Variants in TBC1D5 observed in about 807,000 individuals in gnomAD.
TBC1D5 encodes TBC1 domain family, member 5.
In TBC1D5, 75 loss-of-function variants were observed where a neutral mutation model predicts 100.3. The observed-to-expected ratio is 0.75, with a 90% CI of 0.62 to 0.91. TBC1D5 has a LOEUF of 0.91. Among genes scored for constraint, TBC1D5 ranks in the 40% least tolerant of loss-of-function variants. TBC1D5 has a pLI of 0.00. For synonymous variants in TBC1D5, 323 were observed against 325.6 expected, an observed-to-expected ratio of 0.99 and a Z score of 0.09; for missense variants, 910 against 942.4, an observed-to-expected ratio of 0.97 and a Z score of 0.45.
intron 13 of TBC1D5, among the ~76,000 whole-genome samples, chr3:17,348,866 C>T (rs1575464256): frequency 6.6e-6 from 1 of 152,070 alleles, no homozygotes; most frequent in East Asian, 1.9e-4. Context: ...AAACAAAATA[C>T]CACCAAACAC....
chr3:17,625,099 C>T (rs911227240), intron 1 of TBC1D5, among the ~76,000 whole-genome samples: 5 of 152,000 alleles, frequency 3.3e-5, no homozygotes, highest in Non-Finnish European at 5.9e-5. Flanking sequence ...AGGGAAGTCA[C>T]ACAATAAAGA....
At chr3:17,247,645 T>C (rs2076847898) in intron 16 of TBC1D5, among the ~76,000 whole-genome samples, 1 of 152,220 alleles carries the variant, frequency 6.6e-6, no homozygotes, top group Non-Finnish European at 1.5e-5. Context: ...TTGACTCTTC[T>C]TTTAAAGAAA....
chr3:17,173,867 TAGTC>T (rs1453464908), intron 19 of TBC1D5, among the ~76,000 whole-genome samples: 3 of 152,154 alleles, frequency 2.0e-5, no homozygotes, highest in South Asian at 2.1e-4. Flanking sequence ...AGGTGGCCAT[TAGTC>T]AGAGAGAGGG....
chr3:17,562,424 T>C (rs925713852), intron 2 of TBC1D5, among the ~76,000 whole-genome samples: 1 of 151,790 alleles, frequency 6.6e-6, no homozygotes, highest in Non-Finnish European at 1.5e-5. Context: ...GACAAAATTA[T>C]AATTTGCACC....
intron 14 of TBC1D5, among the ~76,000 whole-genome samples, chr3:17,303,279 C>T (rs1158728948): frequency 6.6e-6 from 1 of 152,208 alleles, no homozygotes; most frequent in Admixed American, 6.5e-5. Flanking sequence ...CATAAAACTT[C>T]TTCCTTTGAA....
intron 13 of TBC1D5, chr3:17,333,534 A>G (rs2087192898): frequency 6.6e-6 from 1 of 152,186 alleles, no homozygotes; most frequent in South Asian, 2.1e-4. Context: ...TAAGAAACGG[A>G]TATAACTGCA....
At chr3:17,264,804 CT>C (rs2078684098) in intron 15 of TBC1D5, among the ~76,000 whole-genome samples, 1 of 152,162 alleles carries the variant, frequency 6.6e-6, no homozygotes, top group South Asian at 2.1e-4. Flanking sequence ...ATACCAGGCA[CT>C]TGATAAGAAC....
At chr3:17,291,812 C>A in intron 15 of TBC1D5, 83 bp downstream of exon 15, 1 of 1,275,302 alleles carries the variant, frequency 7.8e-7, no homozygotes, top group Non-Finnish European at 1.1e-6. Context: ...GCAAATTCCA[C>A]ATTTGGAATT....
chr3:17,275,746 T>A (rs767887658), intron 15 of TBC1D5, among the ~76,000 whole-genome samples: 11 of 152,188 alleles, frequency 7.2e-5, no homozygotes, highest in Non-Finnish European at 1.2e-4. Flanking sequence ...GAGGCACATA[T>A]GGGCAAAGCC....
chr3:17,442,076 G>T (rs1317808808), intron 3 of TBC1D5, among the ~76,000 whole-genome samples: 1 of 152,186 alleles, frequency 6.6e-6, no homozygotes. Flanking sequence ...TGAGTTTTCT[G>T]TTCTTTCTTC....
intron 3 of TBC1D5, among the ~76,000 whole-genome samples, chr3:17,474,121 A>C (rs760651836): frequency 2.6e-5 from 4 of 152,152 alleles, no homozygotes; most frequent in Non-Finnish European, 5.9e-5. Flanking sequence ...TTGAAACAGA[A>C]ACTACCTTTT....
At chr3:17,687,022 T>C (rs1243906228) in intron 1 of TBC1D5, among the ~76,000 whole-genome samples, 2 of 152,130 alleles carry the variant, frequency 1.3e-5, no homozygotes, top group Non-Finnish European at 2.9e-5. Context: ...CTATGTATAA[T>C]ATGTATAGTG....
At chr3:17,522,714 C>T (rs1218815955) in intron 2 of TBC1D5, among the ~76,000 whole-genome samples, 1 of 152,110 alleles carries the variant, frequency 6.6e-6, no homozygotes. Context: ...ATATACACCT[C>T]CTTTTCCAAT....
At chr3:17,168,285 C>T (rs1266782081) in intron 19 of TBC1D5, among the ~76,000 whole-genome samples, 5 of 152,176 alleles carry the variant, frequency 3.3e-5, no homozygotes, top group African/African-American at 7.2e-5. Context: ...GGATTCATAA[C>T]AGTAAAACAT....
intron 18 of TBC1D5, among the ~76,000 whole-genome samples, chr3:17,189,162 C>A (rs529671998): frequency 1.2e-4 from 18 of 152,128 alleles, no homozygotes; most frequent in Admixed American, 7.2e-4. Context: ...TGGCACAGAG[C>A]AGACACTCAA....
At chr3:17,689,925 G>A (rs1023197305) in intron 1 of TBC1D5, among the ~76,000 whole-genome samples, 1 of 151,970 alleles carries the variant, frequency 6.6e-6, no homozygotes, top group Admixed American at 6.5e-5. Flanking sequence ...CAGTTATTCA[G>A]CCCAAAACGT....
intron 2 of TBC1D5, among the ~76,000 whole-genome samples, chr3:17,614,560 C>T (rs376235535): frequency 6.6e-6 from 1 of 152,128 alleles, no homozygotes; most frequent in Non-Finnish European, 1.5e-5. Flanking sequence ...TCTTTTATTT[C>T]GTTGAGCAGT....
rs570068404 is a variant in TBC1D5, at chr3:17,707,435, A to G, written c.-101+31908T>C. On this transcript the variant is annotated intron_variant, in intron 1 of 21. Coordinates refer to ENST00000253692, the Ensembl canonical transcript of TBC1D5. ...TTTTATTAGCAAAGTTCCTAGAATC[A>G]CTTAGATCCCTAAATTTAATTTCCT... is the stretch of plus-strand genomic sequence containing the variant. Among the ~76,000 whole-genome samples, 34 of 152,266 alleles carry G rather than the reference A, an allele frequency of 2.2e-4. No individual in the cohort carries two copies. The South Asian group carries it at 6.8e-3, about 31-fold the overall frequency.
At chr3:17,410,649 A>G (rs1330923353) in intron 4 of TBC1D5, among the ~76,000 whole-genome samples, 1 of 152,136 alleles carries the variant, frequency 6.6e-6, no homozygotes, top group African/African-American at 2.4e-5. Flanking sequence ...GGTGATTCCA[A>G]TCCTCATGGA....
Sources: gnomAD v4.1 joint callset for allele counts (sites outside exome capture counted in the v4.1 genomes callset) on GRCh38, gnomAD v4.1.1 for gene constraint, MANE v1.5 for transcripts, NCBI Gene and HGNC (gene_info 2026-07-23, HGNC 2026-07-21) for gene names.